KIAA0753: variants seen among roughly 807,000 people sequenced by gnomAD.
KIAA0753 encodes the protein KIAA0753, also known as protein moonraker.
In KIAA0753, 114 loss-of-function variants were observed where a neutral mutation model predicts 116.9. That is an observed-to-expected ratio of 0.98 (90% CI 0.84 to 1.14). The LOEUF is 1.14. Among genes scored for constraint, KIAA0753 ranks in the 50% most tolerant of loss-of-function variants. The pLI is 0.00. For missense variants in KIAA0753, 1,156 were observed against 1,172.4 expected, an observed-to-expected ratio of 0.99 and a Z score of 0.20; for synonymous variants, 405 against 413.1, an observed-to-expected ratio of 0.98 and a Z score of 0.24.
At position 6,578,403 on chromosome 17, in the gene KIAA0753, C is replaced by T. The variant is rs1967914236; in HGVS notation, c.*1344G>A. The T allele has an allele frequency of 6.6e-6, 1 of 152,142 alleles. No individual in the cohort carries two copies. Among genetic ancestry groups the T allele is most frequent in the South Asian group, 2.1e-4 (1 of 4,820 alleles). The allele number at this position is 152,142 out of a possible 1,614,324, so 9.4% of individuals were successfully genotyped here. A position where few individuals can be genotyped will look rare whatever the true frequency, so the allele number is the denominator to read the frequency against. The stretch of plus-strand genomic sequence containing the variant: ...ACAAATTACTTTATACTAGCAACAA[C>T]CGGTGCTCCTATTAATTCAAGTGTA... On this transcript the variant is annotated 3_prime_UTR_variant, in exon 19 of 19. Coordinates refer to ENST00000361413, the MANE Select transcript of KIAA0753 (RefSeq NM_014804.3).
chr17:6,613,367 G>A (rs1280896946), intron 7 of KIAA0753, among the ~76,000 whole-genome samples: 2 of 152,058 alleles, frequency 1.3e-5, no homozygotes, highest in African/African-American at 2.4e-5. Context: ...AATTTCAAGT[G>A]CATATTCAAT....
chr17:6,635,285 C>T (rs1972253907), intron 1 of KIAA0753, 114 bp from the exon 2 acceptor site: 1 of 467,674 alleles, frequency 2.1e-6, no homozygotes, highest in Admixed American at 3.3e-5. Flanking sequence ...ATAGTAACCT[C>T]ATACTGAGAG....
In KIAA0753 at chr17:6,628,225, TC is replaced by T; in HGVS notation, c.609del (p.Ile204Ter). ...THDPGLQPHP[R>X]IGDHKNISEQ... ...TCACTTATGTTTTTGTGGTCACCTA[TC>T]CTGGGATGAGGCTGAAGTCCCGGAT... On this transcript the variant is annotated frameshift_variant, in exon 3 of 19. Transcript: ENST00000361413. LOFTEE classifies it high-confidence loss of function. 6.2e-7 allele frequency: 1 copy of T among 1,614,132 alleles called. No individual in the cohort carries two copies. Among genetic ancestry groups the T allele is most frequent in the Non-Finnish European group, 8.5e-7 (1 of 1,180,012 alleles).
rs769835831 is a variant in KIAA0753, at chr17:6,628,452, C to T, written c.383G>A (p.Ser128Asn). The change falls in exon 3 of 19, where the codon AGC becomes AAC. Residue 128 changes from serine (S) to asparagine (N), a missense_variant. Ser to Asn is a conservative substitution (Grantham distance 46). Transcript: ENST00000361413. ...CTTAGTATGTCCACACTTCTGAGAG[C>T]TTTGAGGCTGACTTCTGAGATGATG... Reference protein sequence around the residue: ...KEHHLRSQPQSSQKCGHTKYK... With the variant: ...KEHHLRSQPQNSQKCGHTKYK... 3 of 1,614,176 alleles carry T rather than the reference C, an allele frequency of 1.9e-6. No homozygotes were observed. The highest frequency in any genetic ancestry group is 1.1e-5 in the South Asian group (1 of 91,082).
At chr17:6,608,201 A>G in intron 10 of KIAA0753, 147 bp downstream of exon 10, 1 of 398,386 alleles carries the variant, frequency 2.5e-6, no homozygotes. Context: ...AATAAACTAC[A>G]TTTTATGTAT....
chr17:6,596,334 C>T lies in KIAA0753; in HGVS notation c.2182G>A (p.Val728Ile), dbSNP rs1969483609. 2 of 1,580,990 alleles carry T rather than the reference C, an allele frequency of 1.3e-6. No homozygotes were observed. The highest frequency in any genetic ancestry group is 1.7e-6 in the Non-Finnish European group (2 of 1,162,770). The change falls in exon 15 of 19, where the codon GTT becomes ATT. Residue 728 changes from valine (V) to isoleucine (I), a missense_variant. Coordinates refer to ENST00000361413, the MANE Select transcript of KIAA0753 (RefSeq NM_014804.3). ...CGAATGTTGTTGGATTCAAAATCAA[C>T]AGCTGCAACCTACAAGATGGGGTGG... is the stretch of plus-strand genomic sequence containing the variant. ...KAQPAQEVAA[V>I]DFESNNIRQL...
chr17:6,620,672 T>G, intron 7 of KIAA0753, 116 bp downstream of exon 7: 5 of 936,822 alleles, frequency 5.3e-6, no homozygotes, highest in Non-Finnish European at 8.4e-6. Context: ...TAGTTAAAGT[T>G]CATCTGTTGT....
Position 6,594,946 on chromosome 17 carries a change from G to A in KIAA0753, c.2440+26C>T, listed in dbSNP as rs1288509322. The A allele has an allele frequency of 2.6e-6, 4 of 1,558,232 alleles. No individual in the cohort carries two copies. In the South Asian group the frequency reaches 3.4e-5, roughly 13 times the overall value. ...TGAAATTCTTCAGAATAAAATGTTA[G>A]GGGAAAAACATGGGGAAACACTCAC... On this transcript the variant is annotated intron_variant, in intron 16 of 18. Transcript: ENST00000361413.
chr17:6,587,061 C>T (rs1301357535), intron 18 of KIAA0753, among the ~76,000 whole-genome samples: 1 of 152,012 alleles, frequency 6.6e-6, no homozygotes, highest in African/African-American at 2.4e-5. Flanking sequence ...ATGGTGAAAC[C>T]CTTTTACTAA....
intron 3 of KIAA0753, among the ~76,000 whole-genome samples, chr17:6,625,867 A>G (rs1475898646): frequency 6.6e-6 from 1 of 151,770 alleles, no homozygotes; most frequent in South Asian, 2.1e-4. Flanking sequence ...ACACTCAACT[A>G]ATTTTTGTAT....
At chr17:6,610,480 T>A (rs1474830410) in intron 8 of KIAA0753, among the ~76,000 whole-genome samples, 3 of 151,168 alleles carry the variant, frequency 2.0e-5, no homozygotes, top group Non-Finnish European at 4.4e-5. Context: ...TTTCATACCA[T>A]ATTGTTAAAT....
chr17:6,608,629 G>A (rs1238944530), intron 9 of KIAA0753, among the ~76,000 whole-genome samples, 165 bp from the exon 10 acceptor site: 1 of 152,136 alleles, frequency 6.6e-6, no homozygotes, highest in African/African-American at 2.4e-5. Context: ...AGATCCTCCC[G>A]CACTCAGGCA....
At chr17:6,636,217 C>T (rs796207804) in intron 1 of KIAA0753, 8 of 152,202 alleles carry the variant, frequency 5.3e-5, no homozygotes, top group African/African-American at 1.9e-4. Flanking sequence ...AACATAAAGA[C>T]AGCTGTCTAA....
rs559652757 is a variant in KIAA0753 at position 6,596,314 on chromosome 17, G to T, written c.2202C>A (p.Asn734Lys). 7.0e-7 allele frequency: 1 copy of T among 1,418,980 alleles called. No individual in the cohort carries two copies. Among genetic ancestry groups the T allele is most frequent in the South Asian group, 1.1e-5 (1 of 88,940 alleles). The allele number at this position is 1,418,980 out of a possible 1,614,324, so 87.9% of individuals were successfully genotyped here. A position where few individuals can be genotyped will look rare whatever the true frequency, so the allele number is the denominator to read the frequency against. ...EVAAVDFESN[N>K]IRQLDDFLED... Reference sequence around the variant, plus strand: ...CCAAAAAATCATCAAGCTGACGAATGTTGTTGGATTCAAAATCAACAGCTG... The same window carrying T: ...CCAAAAAATCATCAAGCTGACGAATTTTGTTGGATTCAAAATCAACAGCTG... Residue 734 changes from asparagine (N) to lysine (K), a missense_variant, in exon 15 of 19, where the codon AAC becomes AAA. Asn to Lys is a moderately conservative substitution (Grantham distance 94). Transcript: ENST00000361413.
chr17:6,616,045 G>A (rs1036384021), intron 7 of KIAA0753, among the ~76,000 whole-genome samples: 2 of 152,146 alleles, frequency 1.3e-5, no homozygotes, highest in African/African-American at 4.8e-5. Flanking sequence ...TGGAAGAATA[G>A]GGTAGAGTGA....
At chr17:6,610,243 G>T in intron 8 of KIAA0753, 83 bp from the exon 9 acceptor site, 1 of 1,344,264 alleles carries the variant, frequency 7.4e-7, no homozygotes, top group Non-Finnish European at 1.0e-6. Context: ...GAAGCTCCAA[G>T]TTCTCCATGT....
In KIAA0753 at chr17:6,620,932, G is replaced by A. The variant is rs750465052; in HGVS notation, c.1171C>T (p.Arg391Trp). Residue 391 changes from arginine to tryptophan, a missense_variant, in exon 7 of 19, where the codon CGG becomes TGG. Arg to Trp is a moderately radical substitution (Grantham distance 101). Transcript: ENST00000361413. ...TGGCTACCGATAGGAAATCTGCTCC[G>A]AATTTCACTGAAACATTTTTTCACC... ...KKVKKCFSEIRSRFPIGSQKA... is the reference protein window; with the variant it reads ...KKVKKCFSEIWSRFPIGSQKA... The A allele has an allele frequency of 2.4e-5, 38 of 1,613,904 alleles. No homozygotes were observed. Among genetic ancestry groups the A allele is most frequent in the Non-Finnish European group, 3.0e-5 (35 of 1,180,002 alleles).
At chr17:6,623,459 G>C (rs1971460065) in intron 5 of KIAA0753, 50 bp downstream of exon 5, 1 of 1,453,278 alleles carries the variant, frequency 6.9e-7, no homozygotes, top group Non-Finnish European at 9.6e-7. Context: ...CAAAACACTG[G>C]GAAATGTCAT....
In KIAA0753 at chr17:6,599,391, T is replaced by C. The variant is rs569533608; in HGVS notation, c.2089-71A>G. 3.5e-4 allele frequency: 357 copies of C among 1,029,246 alleles called. 3 individuals are homozygous for C. In the South Asian group the frequency reaches 4.5e-3, roughly 13 times the overall value. 63.8% of individuals were successfully genotyped at this position (1,029,246 alleles called of 1,614,324 possible). The stretch of plus-strand genomic sequence containing the variant: ...CTCCTATTAGTACAAATGAATTCTA[T>C]TACCAGAATGACTTGTGTGGAACTA... On this transcript the variant is annotated intron_variant, in intron 13 of 18. Transcript: ENST00000361413.
Sources: allele counts gnomAD v4.1 joint callset (sites outside exome capture counted in the v4.1 genomes callset), GRCh38; gene constraint gnomAD v4.1.1; transcripts MANE v1.5; gene names NCBI Gene and HGNC (gene_info 2026-07-23, HGNC 2026-07-21).